The following ADGRV1 variants were observed in gnomAD, a reference collection of about 807,000 sequenced individuals.
ADGRV1 encodes the protein adhesion G protein-coupled receptor V1, also known as G-protein coupled receptor 98.
Under a neutral mutation model 596.2 loss-of-function variants are expected in ADGRV1, and 359 were observed. The observed-to-expected ratio is 0.60, with a 90% CI of 0.55 to 0.66. ADGRV1 has a LOEUF of 0.66. Ranked by LOEUF, ADGRV1 falls within the 30% of genes least tolerant of loss-of-function variation. The probability of loss-of-function intolerance (pLI) is 0.00; values close to 1 mark genes in which losing one functional copy is unlikely to be tolerated. For missense variants in ADGRV1, 7,274 were observed against 7,575.6 expected (o/e 0.96, Z 1.48); for synonymous variants, 2,681 against 2,679.2 (o/e 1.00, Z -0.02).
intron 83 of ADGRV1, among the ~76,000 whole-genome samples, chr5:90,876,896 T>C (rs769626327): frequency 6.6e-6 from 1 of 152,206 alleles, no homozygotes; most frequent in Non-Finnish European, 1.5e-5. Context: ...TGTCATGTTA[T>C]GTAAAATATA....
Position 90,800,323 on chromosome 5 carries a change from A to G in ADGRV1, c.14518-2416A>G, listed in dbSNP as rs530651472. Among the ~76,000 whole-genome samples the G allele has an allele frequency of 2.4e-3, 360 of 152,366 alleles. 1 individual carries two copies. Among genetic ancestry groups the G allele is most frequent in the Non-Finnish European group, 4.0e-3 (271 of 68,030 alleles). ...TTATGCAGCCAACAAACATGAAAAAATGCTCATCATCACTGGTCATTAGAG... is the reference window on the plus strand; with the variant it reads ...TTATGCAGCCAACAAACATGAAAAAGTGCTCATCATCACTGGTCATTAGAG... On this transcript the variant is annotated intron_variant, in intron 70 of 89. Transcript: ENST00000405460.
At chr5:91,096,276 G>A (rs1582043509) in intron 86 of ADGRV1, among the ~76,000 whole-genome samples, 1 of 152,300 alleles carries the variant, frequency 6.6e-6, no homozygotes, top group Non-Finnish European at 1.5e-5. Context: ...GTGGTGCATA[G>A]CAATAAAGCC....
intron 83 of ADGRV1, among the ~76,000 whole-genome samples, chr5:90,930,720 A>G (rs756435518): frequency 6.6e-6 from 1 of 152,168 alleles, no homozygotes; most frequent in Non-Finnish European, 1.5e-5. Flanking sequence ...GCCCTAATCA[A>G]CTTGGTCTTG....
intron 85 of ADGRV1, among the ~76,000 whole-genome samples, chr5:91,006,298 GA>G (rs1445151215): frequency 1.3e-5 from 2 of 152,080 alleles, no homozygotes; most frequent in Non-Finnish European, 2.9e-5. Context: ...CTGTGATTTG[GA>G]AAGCCAACCA....
At chr5:90,591,481 G>A (rs1049561379) in intron 1 of ADGRV1, among the ~76,000 whole-genome samples, 3 of 151,982 alleles carry the variant, frequency 2.0e-5, no homozygotes, top group African/African-American at 7.3e-5. Context: ...AGATAAAATA[G>A]TTACTATAAT....
At chr5:90,767,106 A>C (rs549135912) in intron 59 of ADGRV1, among the ~76,000 whole-genome samples, 5 of 152,322 alleles carry the variant, frequency 3.3e-5, no homozygotes, top group African/African-American at 1.2e-4. Context: ...ACAAAATGCC[A>C]AGAATAGCCA....
chr5:91,061,494 A>G (rs1026919841), intron 85 of ADGRV1, among the ~76,000 whole-genome samples: 1 of 152,190 alleles, frequency 6.6e-6, no homozygotes, highest in Non-Finnish European at 1.5e-5. Flanking sequence ...ATTCTTCCTT[A>G]TTAACCAAGA....
rs775045285 is a variant in ADGRV1, at chr5:90,691,023, C to T, written c.6933C>T (p.Asp2311=). The T allele has an allele frequency of 3.1e-6, 5 of 1,613,504 alleles. No homozygotes were observed. Among genetic ancestry groups the T allele is most frequent in the East Asian group, 2.2e-5 (1 of 44,854 alleles). The part of the protein sequence containing the change: ...QTLLLEVLAD[D]VPEIEEVIQV... ...TGTTGTTAGAGGTCCTGGCTGACGACGTTCCGGAGATTGAAGAGGTGAGAG... is the reference window on the plus strand; with the variant it reads ...TGTTGTTAGAGGTCCTGGCTGACGATGTTCCGGAGATTGAAGAGGTGAGAG... Residue 2311 remains aspartate (D), a synonymous_variant, in exon 31 of 90, where the codon GAC becomes GAT. Transcript: ENST00000405460.
intron 70 of ADGRV1, among the ~76,000 whole-genome samples, chr5:90,802,280 A>G (rs905606133): frequency 2.0e-5 from 3 of 152,188 alleles, no homozygotes; most frequent in Non-Finnish European, 4.4e-5. Context: ...CAGTGGCACA[A>G]TCTCAGCTCA....
At chr5:90,983,196 A>G (rs1780221074) in intron 84 of ADGRV1, among the ~76,000 whole-genome samples, 1 of 152,192 alleles carries the variant, frequency 6.6e-6, no homozygotes, top group African/African-American at 2.4e-5. Flanking sequence ...AGTATTCAGT[A>G]ATTCAGCCAC....
chr5:90,841,167 T>G (rs1765392852), intron 78 of ADGRV1, among the ~76,000 whole-genome samples, 182 bp downstream of exon 78: 1 of 152,210 alleles, frequency 6.6e-6, no homozygotes, highest in Non-Finnish European at 1.5e-5. Context: ...TGGATATGAC[T>G]GATGCCTCTT....
Position 90,675,383 on chromosome 5 carries a change from G to A in ADGRV1, c.5251G>A (p.Gly1751Arg). ...LLVIRAQGLLGRVTAEFRTVS... is the reference protein window; with the variant it reads ...LLVIRAQGLLRRVTAEFRTVS... Reference sequence around the variant, plus strand: ...GGTCATCCGTGCACAGGGACTTCTGGGAAGGGTGACTGCGGAATTTAGAAC... The same window carrying A: ...GGTCATCCGTGCACAGGGACTTCTGAGAAGGGTGACTGCGGAATTTAGAAC... The change falls in exon 24 of 90, where the codon GGA (glycine) becomes AGA (arginine). Residue 1751 changes from glycine (G) to arginine (R), a missense_variant. Physicochemically the swap from Gly to Arg is moderately radical, Grantham distance 125. Transcript: ENST00000405460. 6.2e-7 allele frequency: 1 copy of A among 1,613,856 alleles called. No individual in the cohort carries two copies. Among genetic ancestry groups the A allele is most frequent in the Non-Finnish European group, 8.5e-7 (1 of 1,179,858 alleles).
At position 90,805,295 on chromosome 5, in the gene ADGRV1, A is replaced by G. The variant is rs1761798291; in HGVS notation, c.14673A>G (p.Glu4891=). 6.2e-7 allele frequency: 1 copy of G among 1,610,702 alleles called. No homozygotes were observed. The highest frequency in any genetic ancestry group is 8.5e-7 in the Non-Finnish European group (1 of 1,177,276). ...TGATTTTCCCTCAGGTCGGATTTGA[A>G]TCCACTGCTTTTCAACTCATGAACA... The part of the protein sequence containing the change: ...EKAANSQVGF[E]STAFQLMNIT... Residue 4891 remains glutamate, a synonymous_variant, in exon 72 of 90, where the codon GAA becomes GAG. Coordinates refer to ENST00000405460, the MANE Select transcript of ADGRV1 (RefSeq NM_032119.4).
At chr5:90,639,037 A>T (rs1291224354) in intron 11 of ADGRV1, among the ~76,000 whole-genome samples, 4 of 151,440 alleles carry the variant, frequency 2.6e-5, no homozygotes, top group African/African-American at 9.7e-5. Flanking sequence ...AATACCAAGC[A>T]AACAAAAAAA....
chr5:90,948,427 C>T (rs1340119038), intron 83 of ADGRV1, among the ~76,000 whole-genome samples: 5 of 152,044 alleles, frequency 3.3e-5, no homozygotes, highest in African/African-American at 1.2e-4. Flanking sequence ...AACTGTTCAC[C>T]AACTAGAATG....
Position 91,019,470 on chromosome 5 carries a change from A to G in ADGRV1, c.18152+33948A>G, listed in dbSNP as rs551672666. On this transcript the variant is annotated intron_variant, in intron 85 of 89. Coordinates refer to ENST00000405460, the MANE Select transcript of ADGRV1 (RefSeq NM_032119.4). ...TTATACTATTTGATGAGTCTGTTAT[A>G]CTTTAGAGCAAAGTGAGACCAACAT... Among the ~76,000 whole-genome samples the G allele has an allele frequency of 1.1e-4, 16 of 152,120 alleles. No individual in the cohort carries two copies. The South Asian group carries it at 3.1e-3, about 30-fold the overall frequency.
chr5:90,896,039 AT>A (rs1771279113), intron 83 of ADGRV1, among the ~76,000 whole-genome samples: 2 of 152,012 alleles, frequency 1.3e-5, no homozygotes. Context: ...GTCATTGACT[AT>A]CAAAATGATC....
At chr5:91,030,258 T>C (rs1417980718) in intron 85 of ADGRV1, among the ~76,000 whole-genome samples, 1 of 152,138 alleles carries the variant, frequency 6.6e-6, no homozygotes, top group Non-Finnish European at 1.5e-5. Flanking sequence ...TTTAGTCCAC[T>C]CTTGGATTCA....
chr5:90,674,204 A>T lies in ADGRV1; in HGVS notation c.5080A>T (p.Ile1694Phe). 1.9e-6 allele frequency: 3 copies of T among 1,610,668 alleles called. No individual in the cohort carries two copies. Among genetic ancestry groups the T allele is most frequent in the Non-Finnish European group, 2.5e-6 (3 of 1,178,654 alleles). Residue 1694 changes from isoleucine (I) to phenylalanine (F), a missense_variant, in exon 23 of 90, where the codon ATC (isoleucine) becomes TTC (phenylalanine). Ile to Phe is a conservative substitution (Grantham distance 21). Coordinates refer to ENST00000405460, the MANE Select transcript of ADGRV1 (RefSeq NM_032119.4). ...SIDPEKETTD[I>F]TIKASDHPYG... ...AGATCCTGAAAAGGAAACGACTGAT[A>T]TCACCATCAAAGCTAGTGATCATCC...
Sources: allele counts gnomAD v4.1 joint callset (sites outside exome capture counted in the v4.1 genomes callset), GRCh38; gene constraint gnomAD v4.1.1; transcripts MANE v1.5; gene names NCBI Gene and HGNC (gene_info 2026-07-23, HGNC 2026-07-21).